SHANK2: variants seen among roughly 807,000 people sequenced by gnomAD.
SHANK2 encodes SH3 and multiple ankyrin repeat domains 2.
A neutral mutation model predicts 133.7 loss-of-function variants in SHANK2; 43 were observed. That is an observed-to-expected ratio of 0.32 (90% CI 0.25 to 0.41). SHANK2 has a LOEUF of 0.41. Ranked by LOEUF, SHANK2 falls within the 10% of genes least tolerant of loss-of-function variation. The probability of loss-of-function intolerance (pLI) is 1.00; values close to 1 mark genes in which losing one functional copy is unlikely to be tolerated. For missense variants in SHANK2, 1,994 were observed against 2,235.8 expected, an observed-to-expected ratio of 0.89 and a Z score of 2.18; for synonymous variants, 1,017 against 952.8, an observed-to-expected ratio of 1.07 and a Z score of -1.24.
At chr11:70,587,106 G>A (rs2060264358) in intron 17 of SHANK2, among the ~76,000 whole-genome samples, 1 of 152,178 alleles carries the variant, frequency 6.6e-6, no homozygotes. Flanking sequence ...CTTTGCTGAG[G>A]GCCTGTGTTG....
intron 8 of SHANK2, among the ~76,000 whole-genome samples, chr11:71,088,454 C>T (rs1388545104): frequency 4.6e-5 from 7 of 152,218 alleles, no homozygotes; most frequent in African/African-American, 1.2e-4. Flanking sequence ...CGTGAATCAC[C>T]GACTTTGAGT....
At chr11:70,657,105 G>A (rs1316109263) in intron 17 of SHANK2, among the ~76,000 whole-genome samples, 2 of 152,194 alleles carry the variant, frequency 1.3e-5, no homozygotes, top group Non-Finnish European at 2.9e-5. Flanking sequence ...CATTTTTAAA[G>A]AGAAAATAAA....
chr11:70,801,655 C>T (rs1182224357), intron 13 of SHANK2, among the ~76,000 whole-genome samples: 1 of 152,208 alleles, frequency 6.6e-6, no homozygotes, highest in Admixed American at 6.5e-5. Context: ...CCCATCCACC[C>T]AGCAGTACAA....
At chr11:70,831,163 C>A (rs1948718727) in intron 11 of SHANK2, among the ~76,000 whole-genome samples, 1 of 152,126 alleles carries the variant, frequency 6.6e-6, no homozygotes, top group South Asian at 2.1e-4. Context: ...AGCTATCCAC[C>A]TGCCTGCCTG....
chr11:70,507,128 C>T (rs1277308848), intron 17 of SHANK2, among the ~76,000 whole-genome samples: 2 of 152,242 alleles, frequency 1.3e-5, no homozygotes, highest in African/African-American at 4.8e-5. Context: ...GCGGCATCCT[C>T]CCCTGCTGTT....
At chr11:71,091,150 C>T (rs1555093919) in intron 8 of SHANK2, among the ~76,000 whole-genome samples, 1 of 152,208 alleles carries the variant, frequency 6.6e-6, no homozygotes, top group Non-Finnish European at 1.5e-5. Context: ...CAAGAAATCT[C>T]ATGGCGGGTG....
chr11:71,056,624 T>C (rs1302675335), intron 9 of SHANK2, 66 bp from the exon 10 acceptor site: 1 of 152,186 alleles, frequency 6.6e-6, no homozygotes, highest in Non-Finnish European at 1.5e-5. Flanking sequence ...AAGAAATCTG[T>C]CCAGAGTCTC....
At chr11:70,953,687 A>T (rs1315781354) in intron 10 of SHANK2, among the ~76,000 whole-genome samples, 1 of 152,180 alleles carries the variant, frequency 6.6e-6, no homozygotes, top group Admixed American at 6.5e-5. Flanking sequence ...GTGCCCACCC[A>T]TATTGAGGGT....
At chr11:70,777,925 C>A (rs1447237094) in intron 14 of SHANK2, among the ~76,000 whole-genome samples, 1 of 152,176 alleles carries the variant, frequency 6.6e-6, no homozygotes, top group Admixed American at 6.5e-5. Flanking sequence ...AGGTTGAGGG[C>A]CATACCCTAA....
At chr11:70,893,083 C>T (rs1165938664) in intron 11 of SHANK2, among the ~76,000 whole-genome samples, 5 of 152,232 alleles carry the variant, frequency 3.3e-5, no homozygotes, top group African/African-American at 1.2e-4. Flanking sequence ...CGCCTAGGCT[C>T]TTCTACACAT....
intron 9 of SHANK2, among the ~76,000 whole-genome samples, chr11:71,064,262 GGTGGGTCT>G (rs1951019997): frequency 6.6e-6 from 1 of 152,242 alleles, no homozygotes; most frequent in Non-Finnish European, 1.5e-5. Context: ...CGTCAGGACG[GGTGGGTCT>G]GATGCAGACA....
At chr11:70,899,600 G>A (rs768767461) in intron 10 of SHANK2, among the ~76,000 whole-genome samples, 4 of 152,156 alleles carry the variant, frequency 2.6e-5, no homozygotes, top group East Asian at 1.9e-4. Context: ...CTGAGGTGCC[G>A]TCCTCCCAAA....
chr11:70,788,505 C>T (rs1162386590), intron 14 of SHANK2, among the ~76,000 whole-genome samples: 4 of 152,134 alleles, frequency 2.6e-5, no homozygotes. Flanking sequence ...CTGTCCACAC[C>T]ACCCACTGGT....
chr11:71,065,200 C>T (rs1951033186), intron 9 of SHANK2, among the ~76,000 whole-genome samples: 1 of 152,134 alleles, frequency 6.6e-6, no homozygotes, highest in South Asian at 2.1e-4. Flanking sequence ...GCCACGTGTG[C>T]AGAACTCTCC....
At chr11:70,822,815 G>T (rs1948555461) in intron 11 of SHANK2, among the ~76,000 whole-genome samples, 1 of 118,912 alleles carries the variant, frequency 8.4e-6, no homozygotes, top group African/African-American at 3.4e-5. Context: ...GGGGACAGAG[G>T]TGGCGCTGGC....
rs2058900160 is a variant in SHANK2, at chr11:70,492,368, G to A, written c.2406C>T (p.Ser802=). The A allele has an allele frequency of 6.2e-7, 1 of 1,612,678 alleles. No homozygotes were observed. The highest frequency in any genetic ancestry group is 1.3e-5 in the African/African-American group (1 of 74,942). ...CTGAGCCCGCCGGGAAGCACCGGCT[G>A]CTGGGCCGCTGCTTGATGGTCGCCA... ...PRVATIKQRP[S]SRCFPAGSDM... The change falls in exon 22 of 26, where the codon AGC becomes AGT. Residue 802 remains serine (S), a synonymous_variant. Coordinates refer to ENST00000601538, the MANE Select transcript of SHANK2 (RefSeq NM_012309.5).
chr11:70,871,258 G>A (rs2135541273), intron 11 of SHANK2, among the ~76,000 whole-genome samples: 1 of 152,232 alleles, frequency 6.6e-6, no homozygotes, highest in East Asian at 1.9e-4. Context: ...GGAGTCAGGG[G>A]TCTGGGCTCG....
intron 2 of SHANK2, among the ~76,000 whole-genome samples, chr11:71,206,853 C>T (rs912742692): frequency 2.0e-5 from 3 of 152,064 alleles, no homozygotes; most frequent in African/African-American, 7.2e-5. Context: ...AGGTGGGAGG[C>T]TTGCTTGAGG....
chr11:70,697,473 G>A (rs1945421645), intron 15 of SHANK2, among the ~76,000 whole-genome samples: 1 of 152,164 alleles, frequency 6.6e-6, no homozygotes, highest in Non-Finnish European at 1.5e-5. Flanking sequence ...AGGTGGGTGG[G>A]TGCGAGGGGC....
Sources: gnomAD v4.1 joint callset for allele counts (sites outside exome capture counted in the v4.1 genomes callset) on GRCh38, gnomAD v4.1.1 for gene constraint, MANE v1.5 for transcripts, NCBI Gene and HGNC (gene_info 2026-07-23, HGNC 2026-07-21) for gene names.